Variants in PLEKHO1 observed in about 807,000 individuals in gnomAD.
PLEKHO1 encodes the protein pleckstrin homology domain containing O1.
In PLEKHO1, 22 loss-of-function variants were observed where a neutral mutation model predicts 41.4. The observed-to-expected ratio is 0.53, with a 90% CI of 0.38 to 0.76. PLEKHO1 has a LOEUF of 0.76. Among genes scored for constraint, PLEKHO1 ranks in the 30% least tolerant of loss-of-function variants. The pLI is 0.00. For missense variants in PLEKHO1, 488 were observed against 518.3 expected (o/e 0.94, Z 0.57); for synonymous variants, 225 against 210.8 (o/e 1.07, Z -0.58).
At chr1:150,156,227 T>C in intron 3 of PLEKHO1, 21 bp downstream of exon 3, 1 of 1,610,152 alleles carries the variant, frequency 6.2e-7, no homozygotes. Context: ...CCTGCCACCT[T>C]GGCTGCTGGA....
chr1:150,154,837 A>G (rs1660100644), intron 2 of PLEKHO1: 1 of 152,230 alleles, frequency 6.6e-6, no homozygotes, highest in East Asian at 1.9e-4. Flanking sequence ...CCTGGGCTCA[A>G]GCCACGGAGG....
Position 150,150,091 on chromosome 1 carries a change from A to G in PLEKHO1, c.-167A>G. On this transcript the variant is annotated 5_prime_UTR_variant, in exon 1 of 6. Coordinates refer to ENST00000369124, the MANE Select transcript of PLEKHO1 (RefSeq NM_016274.6). ...GGAGGCCGGCCTTGAGTGAAACCGG[A>G]GCTACAAAGAAGGGGAGAGTCCGGG... 5.9e-6 allele frequency: 1 copy of G among 169,988 alleles called. No individual in the cohort carries two copies. The highest frequency in any genetic ancestry group is 1.2e-5 in the Non-Finnish European group (1 of 84,020). The allele number at this position is 169,988 out of a possible 1,614,324, so 10.5% of individuals were successfully genotyped here. A position where few individuals can be genotyped will look rare whatever the true frequency, so the allele number is the denominator to read the frequency against.
At position 150,150,390 on chromosome 1, in the gene PLEKHO1, G is replaced by GC. The variant is rs587752536; in HGVS notation, c.30+108dup. 6.9e-3 allele frequency: 3,151 copies of GC among 454,106 alleles called. 10 individuals carry two copies. Among genetic ancestry groups the GC allele is most frequent in the Non-Finnish European group, 7.7e-3 (2,655 of 346,302 alleles). 28.1% of individuals were successfully genotyped at this position (454,106 alleles called of 1,614,324 possible). Reference sequence around the variant, plus strand: ...CCTGGGAGACCCACGGCCCGGCCGCGCCCCCGCCCCGGCGGCCCGGTCCCC... The same window carrying GC: ...CCTGGGAGACCCACGGCCCGGCCGCGCCCCCCGCCCCGGCGGCCCGGTCCCC... On this transcript the variant is annotated intron_variant, in intron 1 of 5. Coordinates refer to ENST00000369124, the MANE Select transcript of PLEKHO1 (RefSeq NM_016274.6).
In PLEKHO1 at chr1:150,151,030, G is replaced by A; in HGVS notation, c.149G>A (p.Gly50Glu). The A allele has an allele frequency of 6.8e-6, 11 of 1,614,156 alleles. No homozygotes were observed. The highest frequency in any genetic ancestry group is 9.3e-6 in the Non-Finnish European group (11 of 1,180,016). The change falls in exon 2 of 6, where the codon GGG (glycine) becomes GAG (glutamate). Residue 50 changes from glycine to glutamate, a missense_variant. This residue lies in a region of PLEKHO1 where 92 missense variants were observed against 82.3 expected (regional missense o/e 1.12). Coordinates refer to ENST00000369124, the MANE Select transcript of PLEKHO1 (RefSeq NM_016274.6). Reference protein sequence around the residue: ...IWKNRYVVLKGDQLYISEKEV... With the variant: ...IWKNRYVVLKEDQLYISEKEV... ...AAAAACCGCTATGTGGTGCTGAAAG[G>A]GGACCAGCTCTACATCTCTGAGAAG...
intron 3 of PLEKHO1, 103 bp downstream of exon 3, chr1:150,156,309 G>T (rs587658889): frequency 3.4e-5 from 33 of 973,580 alleles, no homozygotes; most frequent in Non-Finnish European, 3.1e-6. Flanking sequence ...TCTTGGTTCA[G>T]ATTCCCTGAA....
chr1:150,154,359 T>A (rs1443801954), intron 2 of PLEKHO1: 1 of 152,242 alleles, frequency 6.6e-6, no homozygotes, highest in Non-Finnish European at 1.5e-5. Flanking sequence ...CTGGCCACTT[T>A]CCAGCCCAAA....
intron 5 of PLEKHO1, among the ~76,000 whole-genome samples, chr1:150,158,260 G>A (rs1176069971): frequency 2.6e-5 from 4 of 152,124 alleles, no homozygotes; most frequent in South Asian, 4.1e-4. Flanking sequence ...GGAAGAGGGC[G>A]CCCCTCAGGA....
chr1:150,157,515 A>G (rs1553820708), intron 5 of PLEKHO1, 29 bp downstream of exon 5: 3 of 1,464,688 alleles, frequency 2.0e-6, no homozygotes, highest in Non-Finnish European at 2.9e-6. Flanking sequence ...AACATTGCCA[A>G]AGGGCCAATT....
intron 4 of PLEKHO1, 148 bp downstream of exon 4, chr1:150,157,163 C>T (rs1025915360): frequency 7.2e-6 from 5 of 696,668 alleles, no homozygotes; most frequent in Non-Finnish European, 1.3e-5. Flanking sequence ...GCCCTGATCT[C>T]TTTCTACCTT....
chr1:150,152,002 C>T (rs905592564), intron 2 of PLEKHO1, among the ~76,000 whole-genome samples: 1 of 152,198 alleles, frequency 6.6e-6, no homozygotes, highest in Admixed American at 6.5e-5. Context: ...CCCTTCCTCC[C>T]GCCCTCACGG....
At chr1:150,150,693 C>CA (rs1659868585) in intron 1 of PLEKHO1, 2 of 531,670 alleles carry the variant, frequency 3.8e-6, no homozygotes, top group South Asian at 4.4e-5. Context: ...CTGCCACTTG[C>CA]AGCCCCGGTT....
At chr1:150,155,715 C>G (rs1660138237) in intron 2 of PLEKHO1, 1 of 180,002 alleles carries the variant, frequency 5.6e-6, no homozygotes, top group African/African-American at 2.4e-5. Flanking sequence ...TCTACCATGT[C>G]CCTTTAAGGA....
In PLEKHO1 at chr1:150,151,052, G is replaced by C. The variant is rs1213279275; in HGVS notation, c.171G>C (p.Glu57Asp). 6.2e-7 allele frequency: 1 copy of C among 1,614,054 alleles called. No individual in the cohort carries two copies. The highest frequency in any genetic ancestry group is 8.5e-7 in the Non-Finnish European group (1 of 1,179,934). The change falls in exon 2 of 6, where the codon GAG becomes GAC. Residue 57 changes from glutamate (E) to aspartate (D), a missense_variant. This residue lies in a region of PLEKHO1 where 92 missense variants were observed against 82.3 expected (regional missense o/e 1.12). Coordinates refer to ENST00000369124, the MANE Select transcript of PLEKHO1 (RefSeq NM_016274.6). ...VLKGDQLYIS[E>D]KEVKDEKNIQ... ...AAGGGGACCAGCTCTACATCTCTGA[G>C]AAGGAGGTGGGTGCCTCTTGCCTCT...
chr1:150,156,087 C>G lies in PLEKHO1; in HGVS notation c.199C>G (p.Gln67Glu). The G allele has an allele frequency of 1.2e-6, 2 of 1,613,316 alleles. No individual in the cohort carries two copies. Among genetic ancestry groups the G allele is most frequent in the South Asian group, 1.1e-5 (1 of 90,992 alleles). ...EKEVKDEKNI[Q>E]EVFDLSDYEK... ...CTAGGTAAAAGATGAGAAAAATATT[C>G]AAGAGGTATTTGACCTGAGTGACTA... Residue 67 changes from glutamine to glutamate, a missense_variant, in exon 3 of 6, where the codon CAA becomes GAA. By Grantham distance (29) the Gln-to-Glu change is conservative (BLOSUM62 2). This residue lies in a region of PLEKHO1 where 92 missense variants were observed against 82.3 expected (regional missense o/e 1.12). Coordinates refer to ENST00000369124, the MANE Select transcript of PLEKHO1 (RefSeq NM_016274.6).
chr1:150,156,188 C>G lies in PLEKHO1; in HGVS notation c.300C>G (p.Ser100=), dbSNP rs782768692. Residue 100 remains serine (S), a synonymous_variant, in exon 3 of 6, where the codon TCC becomes TCG. Transcript: ENST00000369124. The part of the protein sequence containing the change: ...KNHSKFTLAH[S]KQPGNTAPNL... ...ATAGCAAGTTTACTCTTGCCCACTC[C>G]AAACAGCCCGGTAACACGGTATGTT... 7 of 1,613,844 alleles carry G rather than the reference C, an allele frequency of 4.3e-6. No homozygotes were observed. Among genetic ancestry groups the G allele is most frequent in the Non-Finnish European group, 5.9e-6 (7 of 1,179,896 alleles).
At chr1:150,150,642 T>A (rs1553818584) in intron 1 of PLEKHO1, 2 of 422,312 alleles carry the variant, frequency 4.7e-6, no homozygotes, top group African/African-American at 4.2e-5. Flanking sequence ...GCGCAGGGCC[T>A]GGAGGGAACC....
Position 150,159,099 on chromosome 1 carries a change from G to A in PLEKHO1, c.806G>A (p.Cys269Tyr). 1 of 1,613,814 alleles carries A rather than the reference G, an allele frequency of 6.2e-7. No individual in the cohort carries two copies. Among genetic ancestry groups the A allele is most frequent in the Non-Finnish European group, 8.5e-7 (1 of 1,179,898 alleles). ...TTGACGCCCACAGAGAAAGGCCGCT[G>A]CGCCTCCCTGGAGGAGATCCTATCT... ...KKLTPTEKGR[C>Y]ASLEEILSQR... is the part of the protein sequence containing the mutation. The change falls in exon 6 of 6, where the codon TGC becomes TAC. Residue 269 changes from cysteine to tyrosine, a missense_variant. Cys to Tyr is a radical substitution (Grantham distance 194). Around this residue, in one of 3 missense-constraint regions of PLEKHO1, gnomAD observed 337 missense variants for 324.6 expected, o/e 1.04. Transcript: ENST00000369124.
At chr1:150,157,519 G>A (rs782363193) in intron 5 of PLEKHO1, 33 bp downstream of exon 5, 7 of 1,447,430 alleles carry the variant, frequency 4.8e-6, no homozygotes, top group Non-Finnish European at 5.8e-6. Context: ...TTGCCAAAGG[G>A]CCAATTCTGT....
rs185723031 is a variant in PLEKHO1 at position 150,149,988 on chromosome 1, G to A, written c.-270G>A. ...GTGGCGGGGGTGCGCTCGGGGACCC[G>A]GGCCGCGTGGGCGCCGGGATGGAGG... On this transcript the variant is annotated 5_prime_UTR_variant, in exon 1 of 6. Transcript: ENST00000369124. 0.014 allele frequency: 2,140 copies of A among 152,566 alleles called. 46 individuals carry two copies. Among genetic ancestry groups the A allele is most frequent in the African/African-American group, 0.046 (1,903 of 41,228 alleles). 9.5% of individuals were successfully genotyped at this position (152,566 alleles called of 1,614,324 possible).
Sources: gnomAD v4.1 joint callset for allele counts (sites outside exome capture counted in the v4.1 genomes callset) on GRCh38, gnomAD v4.1.1 for gene constraint, gnomAD v4.1.1 regional missense constraint, MANE v1.5 for transcripts, NCBI Gene and HGNC (gene_info 2026-07-23, HGNC 2026-07-21) for gene names.